RFFL: variants seen among roughly 807,000 people sequenced by gnomAD.
The protein encoded by RFFL is E3 ubiquitin-protein ligase rififylin.
RFFL carries 16 observed loss-of-function variants against 40.4 expected under a neutral mutation model. The observed-to-expected ratio is 0.40, with a 90% CI of 0.27 to 0.60. The LOEUF (loss-of-function observed/expected upper bound fraction) is 0.60, where lower values mean the gene tolerates loss of function less well. RFFL is among the 20% of genes least tolerant of loss of function. The pLI, the probability that RFFL is intolerant of heterozygous loss-of-function variation, is 0.47. For missense variants in RFFL, 367 were observed against 451.7 expected (o/e 0.81, Z 1.70); for synonymous variants, 154 against 167.9 (o/e 0.92, Z 0.64).
intron 1 of RFFL, among the ~76,000 whole-genome samples, chr17:35,054,760 T>C (rs899389662): frequency 6.6e-6 from 1 of 152,160 alleles, no homozygotes; most frequent in African/African-American, 2.4e-5. Flanking sequence ...ACAGAACTCA[T>C]AGTCTTCTTT....
At chr17:35,032,269 G>C (rs915552514) in intron 1 of RFFL, among the ~76,000 whole-genome samples, 1 of 151,980 alleles carries the variant, frequency 6.6e-6, no homozygotes, top group African/African-American at 2.4e-5. Context: ...AGGGCATTTT[G>C]TTGTCTCATT....
chr17:35,053,497 T>G (rs1374489579), intron 1 of RFFL, among the ~76,000 whole-genome samples: 1 of 152,164 alleles, frequency 6.6e-6, no homozygotes, highest in Non-Finnish European at 1.5e-5. Context: ...TCACAAAGCT[T>G]AGATGGGTAC....
At position 35,012,294 on chromosome 17, in the gene RFFL, GCTC is replaced by G. The variant is rs2090945935; in HGVS notation, c.911-148_911-146del. On this transcript the variant is annotated intron_variant, in intron 6 of 6. Transcript: ENST00000394597. ...AGTGCACATGCTTCCCTCAAATAGA[GCTC>G]CTCCGAGGAAACATTTCCTCAATAA... The G allele has an allele frequency of 4.6e-6, 3 of 653,654 alleles. No individual in the cohort carries two copies. The Admixed American group carries it at 9.5e-5, about 21-fold the overall frequency. The allele number at this position is 653,654 out of a possible 1,614,324, so 40.5% of individuals were successfully genotyped here. A position where few individuals can be genotyped will look rare whatever the true frequency, so the allele number is the denominator to read the frequency against.
intron 3 of RFFL, 32 bp downstream of exon 3, chr17:35,021,339 C>T (rs1036208325): frequency 1.1e-5 from 17 of 1,508,048 alleles, no homozygotes; most frequent in Non-Finnish European, 1.5e-5. Context: ...CAAACTGGCA[C>T]AGACTGGCAG....
chr17:35,017,937 C>T (rs964473421), intron 3 of RFFL, among the ~76,000 whole-genome samples: 3 of 152,174 alleles, frequency 2.0e-5, no homozygotes, highest in Non-Finnish European at 4.4e-5. Context: ...GTGTCCATTC[C>T]ACTGCTGGAC....
intron 1 of RFFL, among the ~76,000 whole-genome samples, chr17:35,060,023 T>G (rs1443103934): frequency 6.6e-6 from 1 of 152,218 alleles, no homozygotes; most frequent in Non-Finnish European, 1.5e-5. Context: ...ACTCCAAAAG[T>G]TGTGAAGTGA....
chr17:35,041,482 T>C (rs980993945), intron 1 of RFFL, among the ~76,000 whole-genome samples: 1 of 152,048 alleles, frequency 6.6e-6, no homozygotes, highest in South Asian at 2.1e-4. Context: ...AATAATCACT[T>C]CTTACATGGT....
At chr17:35,080,350 T>TA (rs1196179442) in intron 1 of RFFL, among the ~76,000 whole-genome samples, 4 of 152,160 alleles carry the variant, frequency 2.6e-5, no homozygotes, top group East Asian at 1.9e-4. Flanking sequence ...ATTATGAAGG[T>TA]AAAAAAGCAT....
In RFFL at chr17:35,006,801, T is replaced by C. The variant is rs2090898150; in HGVS notation, c.*5167A>G. ...TAAGATCAAGGACCACTGCGCCCCC[T>C]GGCCACCCCACCGCCCCCCCCCAAC... On this transcript the variant is annotated 3_prime_UTR_variant, in exon 7 of 7. Transcript: ENST00000394597. The C allele has an allele frequency of 1.3e-5, 2 of 148,844 alleles. No individual in the cohort carries two copies. Among genetic ancestry groups the C allele is most frequent in the African/African-American group, 5.0e-5 (2 of 39,938 alleles). 9.2% of individuals were successfully genotyped at this position (148,844 alleles called of 1,614,324 possible).
chr17:35,048,947 C>T (rs183894839), intron 1 of RFFL, among the ~76,000 whole-genome samples: 8 of 152,274 alleles, frequency 5.3e-5, no homozygotes, highest in Non-Finnish European at 1.0e-4. Context: ...CCAGTATCTA[C>T]GCCAAGCAGC....
At chr17:35,073,153 T>C (rs1191444627) in intron 1 of RFFL, among the ~76,000 whole-genome samples, 1 of 152,206 alleles carries the variant, frequency 6.6e-6, no homozygotes, top group African/African-American at 2.4e-5. Flanking sequence ...TTGCAGTCTC[T>C]ACTATGCAGG....
chr17:35,011,869 A>G lies in RFFL; in HGVS notation c.*99T>C. The G allele has an allele frequency of 1.4e-5, 17 of 1,183,934 alleles. No homozygotes were observed. Among genetic ancestry groups the G allele is most frequent in the Non-Finnish European group, 2.0e-5 (16 of 819,916 alleles). 73.3% of individuals were successfully genotyped at this position (1,183,934 alleles called of 1,614,324 possible). A position where few individuals can be genotyped will look rare whatever the true frequency, so the allele number is the denominator to read the frequency against. On this transcript the variant is annotated 3_prime_UTR_variant, in exon 7 of 7. Transcript: ENST00000394597. Reference sequence around the variant, plus strand: ...TTGACCTGGTTTTGGGAACCCTGCAATATTTCTACTAGCTTGCTCCTCTGC... The same window carrying G: ...TTGACCTGGTTTTGGGAACCCTGCAGTATTTCTACTAGCTTGCTCCTCTGC...
At chr17:35,014,705 C>A (rs754048453) in intron 6 of RFFL, 35 bp downstream of exon 6, 101 of 1,602,358 alleles carry the variant, frequency 6.3e-5, no homozygotes, top group Non-Finnish European at 8.5e-5. Context: ...GACAAAAGGG[C>A]CTAAGCCCAT....
upstream of RFFL, among the ~76,000 whole-genome samples, chr17:35,065,758 C>G (rs375682326): frequency 2.0e-4 from 30 of 152,284 alleles, no homozygotes; most frequent in African/African-American, 6.7e-4. Flanking sequence ...TTTTAACCAA[C>G]TGCCCCAAAT....
chr17:35,044,963 C>T (rs1567709264), intron 1 of RFFL, among the ~76,000 whole-genome samples: 1 of 152,032 alleles, frequency 6.6e-6, no homozygotes. Context: ...CCTCGATCTC[C>T]CAGGCTCAAG....
At chr17:35,038,286 CAAAAA>C (rs33952696) in intron 1 of RFFL, among the ~76,000 whole-genome samples, 2 of 99,328 alleles carry the variant, frequency 2.0e-5, no homozygotes, top group African/African-American at 3.7e-5. Context: ...AAAACTGTCT[CAAAAA>C]AAAAAAAAAA....
upstream of RFFL, among the ~76,000 whole-genome samples, chr17:35,067,486 T>A (rs2142374469): frequency 6.9e-6 from 1 of 143,924 alleles, no homozygotes; most frequent in South Asian, 2.2e-4. Context: ...AGACAGAGTC[T>A]CGCTCTGTCG....
chr17:35,021,847 G>C, intron 2 of RFFL, 66 bp from the exon 3 acceptor site: 4 of 1,481,524 alleles, frequency 2.7e-6, no homozygotes, highest in South Asian at 1.1e-5. Context: ...AGTGCGATGG[G>C]AGCTTCAGAG....
At chr17:35,059,425 T>C (rs142410086) in intron 1 of RFFL, among the ~76,000 whole-genome samples, 7 of 152,276 alleles carry the variant, frequency 4.6e-5, no homozygotes, top group African/African-American at 1.7e-4. Context: ...TGTGCAGCCT[T>C]CTTGGATCCT....
Sources: allele counts gnomAD v4.1 joint callset (sites outside exome capture counted in the v4.1 genomes callset), GRCh38; gene constraint gnomAD v4.1.1; transcripts MANE v1.5; gene names NCBI Gene and HGNC (gene_info 2026-07-23, HGNC 2026-07-21).